The following SNX19 variants were observed in gnomAD, a reference collection of about 807,000 sequenced individuals.
SNX19 encodes the protein sorting nexin-19.
SNX19 carries 60 observed loss-of-function variants against 85.2 expected under a neutral mutation model. That is an observed-to-expected ratio of 0.70 (90% CI 0.57 to 0.87). The LOEUF is 0.87. SNX19 is among the 40% of genes least tolerant of loss of function. SNX19 has a pLI of 0.00. For missense variants in SNX19, 1,201 were observed against 1,217.8 expected, an observed-to-expected ratio of 0.99 and a Z score of 0.21; for synonymous variants, 520 against 470.0, an observed-to-expected ratio of 1.11 and a Z score of -1.38.
Position 130,916,276 on chromosome 11 carries a change from T to A in SNX19, c.-337A>T. The A allele has an allele frequency of 3.7e-6, 1 of 271,186 alleles. No homozygotes were observed. The highest frequency in any genetic ancestry group is 7.1e-6 in the Non-Finnish European group (1 of 140,628). 16.8% of individuals were successfully genotyped at this position (271,186 alleles called of 1,614,324 possible). A position where few individuals can be genotyped will look rare whatever the true frequency, so the allele number is the denominator to read the frequency against. On this transcript the variant is annotated 5_prime_UTR_variant, in exon 1 of 11. It adds an upstream start codon to the 5' untranslated region. Coordinates refer to ENST00000265909, the MANE Select transcript of SNX19 (RefSeq NM_014758.3). ...GCAAGGCCCTGGGGCCCACGGACACTTACACACGCAGCGGGCAGCGGCCGG... is the reference window on the plus strand; with the variant it reads ...GCAAGGCCCTGGGGCCCACGGACACATACACACGCAGCGGGCAGCGGCCGG...
chr11:130,891,376 A>G (rs1243820576), intron 8 of SNX19, among the ~76,000 whole-genome samples: 5 of 152,206 alleles, frequency 3.3e-5, no homozygotes, highest in African/African-American at 1.2e-4. Context: ...CTGGAAGGGA[A>G]GAGAGCTGGA....
intron 8 of SNX19, among the ~76,000 whole-genome samples, chr11:130,881,907 T>A (rs887501074): frequency 6.6e-6 from 1 of 152,208 alleles, no homozygotes; most frequent in Non-Finnish European, 1.5e-5. Context: ...GAGTTCTGTG[T>A]CTTGTACTTT....
intron 8 of SNX19, 168 bp from the exon 9 acceptor site, chr11:130,880,974 G>A: frequency 2.1e-6 from 1 of 467,782 alleles, no homozygotes. Flanking sequence ...GGTCATGGGG[G>A]CAAAGGTAAA....
chr11:130,889,680 T>C (rs902335721), intron 8 of SNX19, among the ~76,000 whole-genome samples: 2 of 152,192 alleles, frequency 1.3e-5, no homozygotes, highest in African/African-American at 4.8e-5. Context: ...TTTCTCAATA[T>C]CCAGTTTTAA....
chr11:130,910,187 A>G (rs1945991275), intron 3 of SNX19, 50 bp from the exon 4 acceptor site: 1 of 1,613,634 alleles, frequency 6.2e-7, no homozygotes, highest in Admixed American at 1.7e-5. Context: ...CCAGTCCCCA[A>G]ATCTCTCCAC....
intron 8 of SNX19, among the ~76,000 whole-genome samples, chr11:130,887,965 C>T (rs1021212242): frequency 6.6e-6 from 1 of 152,076 alleles, no homozygotes; most frequent in Admixed American, 6.6e-5. Context: ...GGGGATTGAG[C>T]CTTCCTTTAG....
intron 8 of SNX19, among the ~76,000 whole-genome samples, chr11:130,888,719 A>G (rs944384599): frequency 1.2e-4 from 18 of 152,326 alleles, no homozygotes; most frequent in Non-Finnish European, 2.5e-4. Context: ...TCTAACCCAT[A>G]TGGACAAATG....
intron 8 of SNX19, among the ~76,000 whole-genome samples, chr11:130,884,490 T>C (rs1188208255): frequency 1.3e-5 from 2 of 152,176 alleles, no homozygotes; most frequent in African/African-American, 4.8e-5. Flanking sequence ...TGGACTTTGC[T>C]GGTACCATTT....
At chr11:130,883,656 G>A (rs914803990) in intron 8 of SNX19, among the ~76,000 whole-genome samples, 3 of 152,110 alleles carry the variant, frequency 2.0e-5, no homozygotes, top group Non-Finnish European at 2.9e-5. Context: ...TCTTGCCTAC[G>A]TTCTGCCCAC....
chr11:130,897,742 G>A (rs1192969113), intron 8 of SNX19, among the ~76,000 whole-genome samples: 1 of 152,162 alleles, frequency 6.6e-6, no homozygotes, highest in African/African-American at 2.4e-5. Flanking sequence ...CTAACTCTGA[G>A]TACTTGCCCA....
Position 130,867,075 on chromosome 11 carries a change from G to A in SNX19, c.*11347C>T, listed in dbSNP as rs1942796553. ...GACAGAGCTGGAATTCTGCCTGGTT[G>A]GTTGTCGGCATAACCCATGTTCTTA... On this transcript the variant is annotated 3_prime_UTR_variant, in exon 11 of 11. Coordinates refer to ENST00000265909, the MANE Select transcript of SNX19 (RefSeq NM_014758.3). 6.6e-6 allele frequency: 1 copy of A among 152,222 alleles called. No homozygotes were observed. Among genetic ancestry groups the A allele is most frequent in the South Asian group, 2.1e-4 (1 of 4,824 alleles). 9.4% of individuals were successfully genotyped at this position (152,222 alleles called of 1,614,324 possible).
chr11:130,896,576 A>C (rs1944891403), intron 8 of SNX19, among the ~76,000 whole-genome samples: 1 of 152,180 alleles, frequency 6.6e-6, no homozygotes, highest in Non-Finnish European at 1.5e-5. Flanking sequence ...AGCATGGCAG[A>C]GCAGTGGGAA....
At chr11:130,900,000 T>C (rs1945150570) in intron 8 of SNX19, among the ~76,000 whole-genome samples, 1 of 152,248 alleles carries the variant, frequency 6.6e-6, no homozygotes, top group Admixed American at 6.5e-5. Flanking sequence ...CTTTATGGCA[T>C]GAGCTACATT....
Position 130,908,088 on chromosome 11 carries a change from A to G in SNX19, c.2035-5T>C, listed in dbSNP as rs1232807210. 1 of 1,613,814 alleles carries G rather than the reference A, an allele frequency of 6.2e-7. No individual in the cohort carries two copies. The highest frequency in any genetic ancestry group is 1.1e-5 in the South Asian group (1 of 91,060). On this transcript the variant is annotated splice_polypyrimidine_tract_variant and splice_region_variant and intron_variant, in intron 4 of 10. Transcript: ENST00000265909. ...CACAATGGCACTCACCACCATCTGC[A>G]GGGGTCAGAGGTGCAGGGTCAGTCC...
In SNX19 at chr11:130,873,847, C is replaced by A. The variant is rs979078468; in HGVS notation, c.*4575G>T. Among the ~76,000 whole-genome samples, 1 of 152,128 alleles carries A rather than the reference C, an allele frequency of 6.6e-6. No individual in the cohort carries two copies. The highest frequency in any genetic ancestry group is 6.5e-5 in the Admixed American group (1 of 15,280). ...CTAGAGCAGACATTGTCTATCAATA[C>A]CCATTCTCTGCTTCTTCCTTGCTAA... On this transcript the variant is annotated 3_prime_UTR_variant, in exon 11 of 11. Coordinates refer to ENST00000265909, the MANE Select transcript of SNX19 (RefSeq NM_014758.3).
chr11:130,889,393 C>T (rs1420336574), intron 8 of SNX19, among the ~76,000 whole-genome samples: 1 of 151,902 alleles, frequency 6.6e-6, no homozygotes, highest in Admixed American at 6.6e-5. Context: ...GCCCCCCGAC[C>T]CCCCAGAAAA....
At chr11:130,891,588 G>A (rs1944497966) in intron 8 of SNX19, among the ~76,000 whole-genome samples, 1 of 152,196 alleles carries the variant, frequency 6.6e-6, no homozygotes, top group African/African-American at 2.4e-5. Context: ...GCCTCTGACG[G>A]ATGGAGCAGC....
intron 8 of SNX19, among the ~76,000 whole-genome samples, chr11:130,890,666 G>GC (rs770897138): frequency 1.3e-5 from 2 of 151,006 alleles, no homozygotes; most frequent in Admixed American, 6.6e-5. Flanking sequence ...TGCCTTGAAT[G>GC]TTCTCTCTCT....
At position 130,874,543 on chromosome 11, in the gene SNX19, G is replaced by T. The variant is rs1943147935; in HGVS notation, c.*3879C>A. ...AGGCCCCTTAAGAGGTCTCAGAGTT[G>T]CTGAATCACCAAACTCCTGGGCTTA... On this transcript the variant is annotated 3_prime_UTR_variant, in exon 11 of 11. Coordinates refer to ENST00000265909, the MANE Select transcript of SNX19 (RefSeq NM_014758.3). Among the ~76,000 whole-genome samples the T allele has an allele frequency of 6.6e-6, 1 of 152,220 alleles. No homozygotes were observed. The highest frequency in any genetic ancestry group is 2.1e-4 in the South Asian group (1 of 4,838).
Sources: allele counts gnomAD v4.1 joint callset (sites outside exome capture counted in the v4.1 genomes callset), GRCh38; gene constraint gnomAD v4.1.1; transcripts MANE v1.5; gene names NCBI Gene and HGNC (gene_info 2026-07-23, HGNC 2026-07-21).